Variants in LAMC1 observed in about 807,000 individuals in gnomAD.
The protein encoded by LAMC1 is laminin subunit gamma 1.
LAMC1 carries 38 observed loss-of-function variants against 173.6 expected under a neutral mutation model. The observed-to-expected ratio is 0.22, with a 90% CI of 0.17 to 0.29. LAMC1 has a LOEUF of 0.29. Among genes scored for constraint, LAMC1 ranks in the 10% least tolerant of loss-of-function variants. The pLI is 1.00. For missense variants in LAMC1, 1,824 were observed against 2,051.8 expected (o/e 0.89, Z 2.14); for synonymous variants, 746 against 749.1 (o/e 1.00, Z 0.07).
chr1:183,131,702 C>T (rs1402488400), intron 20 of LAMC1, among the ~76,000 whole-genome samples: 1 of 152,016 alleles, frequency 6.6e-6, no homozygotes, highest in Non-Finnish European at 1.5e-5. Flanking sequence ...ATGAAACTAG[C>T]AGATTGTTGT....
chr1:183,080,270 A>G (rs1346520951), intron 1 of LAMC1, among the ~76,000 whole-genome samples: 1 of 152,186 alleles, frequency 6.6e-6, no homozygotes, highest in East Asian at 1.9e-4. Flanking sequence ...TTGCTTTTTA[A>G]AAATTGTACT....
chr1:183,049,950 T>C (rs1455545301), intron 1 of LAMC1, among the ~76,000 whole-genome samples: 1 of 152,220 alleles, frequency 6.6e-6, no homozygotes, highest in African/African-American at 2.4e-5. Context: ...GTAGATACCA[T>C]TTCACATGTG....
At chr1:183,084,235 C>T (rs1261392039) in intron 1 of LAMC1, among the ~76,000 whole-genome samples, 3 of 151,990 alleles carry the variant, frequency 2.0e-5, no homozygotes, top group Admixed American at 2.0e-4. Context: ...CCCAGCTACT[C>T]AGGAGGCTGA....
chr1:183,099,945 T>C (rs1049262909), intron 1 of LAMC1, among the ~76,000 whole-genome samples: 5 of 152,176 alleles, frequency 3.3e-5, no homozygotes, highest in African/African-American at 1.2e-4. Flanking sequence ...TTCTCTGTTC[T>C]CTATTTCAGT....
rs564226875 is a variant in LAMC1 at position 183,026,406 on chromosome 1, T to TC, written c.418+2281dup. Among the ~76,000 whole-genome samples, 1,271 of 149,388 alleles carry TC rather than the reference T, an allele frequency of 8.5e-3. 19 individuals are homozygous for TC. The highest frequency in any genetic ancestry group is 0.027 in the African/African-American group (1,104 of 40,626). On this transcript the variant is annotated intron_variant, in intron 1 of 27. Coordinates refer to ENST00000258341, the MANE Select transcript of LAMC1 (RefSeq NM_002293.4). ...GAGGTTGAGGTTTCTCTTTCTGTCC[T>TC]CCCCCCCCCTTTAATGACAAGGTTA...
intron 22 of LAMC1, 82 bp downstream of exon 22, chr1:183,133,632 C>T: frequency 7.6e-7 from 1 of 1,309,816 alleles, no homozygotes; most frequent in Non-Finnish European, 1.0e-6. Context: ...GCACCTCCCT[C>T]TGTCCTCCCA....
At chr1:183,061,039 T>C (rs935990149) in intron 1 of LAMC1, among the ~76,000 whole-genome samples, 6 of 152,114 alleles carry the variant, frequency 3.9e-5, no homozygotes, top group Non-Finnish European at 8.8e-5. Context: ...ATTAGTATAA[T>C]GGTAGTAGGT....
chr1:183,089,770 G>A (rs1277392650), intron 1 of LAMC1, among the ~76,000 whole-genome samples: 2 of 152,144 alleles, frequency 1.3e-5, no homozygotes, highest in Admixed American at 1.3e-4. Context: ...GCTGTTCTAG[G>A]ACATAGTTTT....
chr1:183,033,674 CAT>C (rs1374798518), intron 1 of LAMC1, among the ~76,000 whole-genome samples: 3 of 152,084 alleles, frequency 2.0e-5, no homozygotes, highest in Non-Finnish European at 2.9e-5. Context: ...AAGTTTGAAT[CAT>C]GTGGCTTTCT....
intron 1 of LAMC1, among the ~76,000 whole-genome samples, chr1:183,056,449 T>C (rs952566894): frequency 7.9e-5 from 12 of 152,180 alleles, no homozygotes; most frequent in African/African-American, 2.9e-4. Flanking sequence ...GGTGTGTTTA[T>C]TATCCACCAG....
At chr1:183,089,431 T>C (rs932888288) in intron 1 of LAMC1, among the ~76,000 whole-genome samples, 1 of 152,242 alleles carries the variant, frequency 6.6e-6, no homozygotes, top group African/African-American at 2.4e-5. Flanking sequence ...TCATGTGATC[T>C]CCTTACCCTC....
Position 183,142,945 on chromosome 1 carries a change from G to A in LAMC1, c.*155G>A. On this transcript the variant is annotated 3_prime_UTR_variant, in exon 28 of 28. Transcript: ENST00000258341. ...ACCAGGAAAAGTCACAGAGTTTAAA[G>A]AGAAGCAAATTAAACATCCTGAATC... The A allele has an allele frequency of 1.3e-6, 1 of 750,588 alleles. No individual in the cohort carries two copies. Among genetic ancestry groups the A allele is most frequent in the Non-Finnish European group, 2.1e-6 (1 of 475,384 alleles). The allele number at this position is 750,588 out of a possible 1,614,324, so 46.5% of individuals were successfully genotyped here. A position where few individuals can be genotyped will look rare whatever the true frequency, so the allele number is the denominator to read the frequency against.
At chr1:183,090,820 G>A (rs987502362) in intron 1 of LAMC1, among the ~76,000 whole-genome samples, 18 of 152,156 alleles carry the variant, frequency 1.2e-4, no homozygotes, top group Admixed American at 5.9e-4. Context: ...GGTGGGGGGA[G>A]GGTGGGTATA....
chr1:183,035,523 G>A (rs757760509), intron 1 of LAMC1, among the ~76,000 whole-genome samples: 2 of 152,132 alleles, frequency 1.3e-5, no homozygotes, highest in Admixed American at 6.5e-5. Flanking sequence ...TAGGTTTTGG[G>A]CATATGTACT....
chr1:183,037,609 G>T (rs73051707), intron 1 of LAMC1, among the ~76,000 whole-genome samples: 1 of 152,154 alleles, frequency 6.6e-6, no homozygotes, highest in South Asian at 2.1e-4. Flanking sequence ...TGATGTCTGT[G>T]TATGTGAATT....
chr1:183,130,232 C>A, intron 18 of LAMC1, 112 bp from the exon 19 acceptor site: 3 of 914,110 alleles, frequency 3.3e-6, no homozygotes, highest in Non-Finnish European at 5.0e-6. Flanking sequence ...GGAAACCTGG[C>A]AGAAAGTTGC....
At chr1:183,126,052 A>C in intron 15 of LAMC1, 68 bp from the exon 16 acceptor site, 2 of 187,322 alleles carry the variant, frequency 1.1e-5, no homozygotes, top group South Asian at 4.1e-4. Context: ...TGCTATACTA[A>C]AAAAAAAAAA....
intron 14 of LAMC1, 125 bp downstream of exon 14, chr1:183,125,001 CT>C: frequency 7.7e-6 from 10 of 1,298,722 alleles, no homozygotes; most frequent in Non-Finnish European, 1.0e-5. Flanking sequence ...CCGCTTTTGT[CT>C]TTTAAAATTT....
chr1:183,115,783 G>C, intron 6 of LAMC1, 146 bp downstream of exon 6: 1 of 649,352 alleles, frequency 1.5e-6, no homozygotes, highest in East Asian at 2.7e-5. Context: ...GTAATGGTGA[G>C]CCACAAGGGG....
Sources: gnomAD v4.1 joint callset for allele counts (sites outside exome capture counted in the v4.1 genomes callset) on GRCh38, gnomAD v4.1.1 for gene constraint, MANE v1.5 for transcripts, NCBI Gene and HGNC (gene_info 2026-07-23, HGNC 2026-07-21) for gene names.